SUGCT: variants seen among roughly 807,000 people sequenced by gnomAD.
SUGCT encodes the protein succinyl-CoA:glutarate-CoA transferase, also known as succinyl-CoA:glutarate CoA-transferase.
In SUGCT, 41 loss-of-function variants were observed where a neutral mutation model predicts 55.0. That is an observed-to-expected ratio of 0.74 (90% confidence interval 0.58 to 0.97). SUGCT has a LOEUF of 0.97. Among genes scored for constraint, SUGCT ranks in the 50% least tolerant of loss-of-function variants. The probability of loss-of-function intolerance (pLI) is 0.00; values close to 1 mark genes in which losing one functional copy is unlikely to be tolerated. For synonymous variants in SUGCT, 187 were observed against 200.4 expected (o/e 0.93, Z 0.56); for missense variants, 568 against 547.8 (o/e 1.04, Z -0.37).
In SUGCT at chr7:40,505,088, C is replaced by G. The variant is rs139967689; in HGVS notation, c.1089+8702C>G. Among the ~76,000 whole-genome samples the G allele has an allele frequency of 3.4e-4, 51 of 152,056 alleles. No homozygotes were observed. In the East Asian group the frequency reaches 9.5e-3, roughly 28 times the overall value. On this transcript the variant is annotated intron_variant, in intron 12 of 13. Transcript: ENST00000335693. ...AATATTTTGTAGATGTCTATTTGGTCCCTTTGTCTGTCTTACCAGTATGAA... is the reference window on the plus strand; with the variant it reads ...AATATTTTGTAGATGTCTATTTGGTGCCTTTGTCTGTCTTACCAGTATGAA...
chr7:40,435,425 A>G (rs2151394242), intron 9 of SUGCT, among the ~76,000 whole-genome samples: 1 of 152,064 alleles, frequency 6.6e-6, no homozygotes, highest in East Asian at 1.9e-4. Flanking sequence ...CCTCTATTTT[A>G]TGCTTACAGT....
intron 8 of SUGCT, among the ~76,000 whole-genome samples, chr7:40,279,138 G>A (rs1050379525): frequency 1.3e-5 from 2 of 151,832 alleles, no homozygotes; most frequent in Non-Finnish European, 2.9e-5. Context: ...CATCCAGCCA[G>A]ATCTTACCAG....
At chr7:40,971,452 G>A in the SUGCT span, among the ~76,000 whole-genome samples, 1 of 152,150 alleles carries the variant, frequency 6.6e-6, no homozygotes, top group African/African-American at 2.4e-5. Context: ...GGCAAATGAT[G>A]ATGAGAACCT....
chr7:40,685,037 AG>A (rs1338015483), intron 12 of SUGCT, among the ~76,000 whole-genome samples: 1 of 151,698 alleles, frequency 6.6e-6, no homozygotes, highest in Non-Finnish European at 1.5e-5. Flanking sequence ...ATTTTTTTTC[AG>A]TAGAGATGGA....
intron 1 of SUGCT, among the ~76,000 whole-genome samples, chr7:40,151,444 C>T (rs1457682606): frequency 1.3e-5 from 2 of 152,202 alleles, no homozygotes; most frequent in African/African-American, 4.8e-5. Context: ...AGATTGTATT[C>T]ACAGTGACTG....
intron 9 of SUGCT, among the ~76,000 whole-genome samples, chr7:40,366,146 A>C (rs1487534666): frequency 6.6e-6 from 1 of 152,190 alleles, no homozygotes; most frequent in Non-Finnish European, 1.5e-5. Flanking sequence ...CAAACCTGAC[A>C]AAAACAAGAA....
At chr7:40,304,435 A>T (rs532581685) in intron 8 of SUGCT, among the ~76,000 whole-genome samples, 48 of 151,056 alleles carry the variant, frequency 3.2e-4, no homozygotes, top group African/African-American at 1.1e-3. Flanking sequence ...TCATATTTAA[A>T]TTTTTTATTT....
chr7:40,885,325 T>C, the SUGCT span, among the ~76,000 whole-genome samples: 1 of 152,162 alleles, frequency 6.6e-6, no homozygotes, highest in Non-Finnish European at 1.5e-5. Flanking sequence ...TCCTCAAAAG[T>C]ATACTTTTCC....
intron 12 of SUGCT, among the ~76,000 whole-genome samples, chr7:40,697,717 A>G (rs1276494188): frequency 6.6e-6 from 1 of 152,180 alleles, no homozygotes; most frequent in African/African-American, 2.4e-5. Flanking sequence ...ACCTGGTAAC[A>G]TGCCCCAAGC....
chr7:40,159,938 T>A (rs1430032788), intron 1 of SUGCT, among the ~76,000 whole-genome samples: 1 of 152,208 alleles, frequency 6.6e-6, no homozygotes, highest in Non-Finnish European at 1.5e-5. Context: ...GCAGAAACTT[T>A]GTGTGTTTCT....
rs577937740 is a variant in SUGCT at position 40,266,765 on chromosome 7, C to T, written c.577-7748C>T. ...GGCATGATGGCTCACGCCTATAATC[C>T]GAGCACTTTGGGAGGCCAAGGCGGG... is the stretch of plus-strand genomic sequence containing the variant. On this transcript the variant is annotated intron_variant, in intron 7 of 13. Transcript: ENST00000335693. 2.3e-4 allele frequency among the ~76,000 whole-genome samples: 35 copies of T among 152,040 alleles called. No homozygotes were observed. The South Asian group carries it at 5.0e-3, about 22-fold the overall frequency.
At chr7:40,399,120 T>C (rs1049774959) in intron 9 of SUGCT, among the ~76,000 whole-genome samples, 10 of 152,298 alleles carry the variant, frequency 6.6e-5, no homozygotes, top group African/African-American at 2.4e-4. Context: ...AGGACTGATT[T>C]TGATGCATCA....
chr7:40,435,925 GCTTT>G (rs926064941), intron 9 of SUGCT, among the ~76,000 whole-genome samples: 1 of 125,066 alleles, frequency 8.0e-6, no homozygotes, highest in Non-Finnish European at 1.8e-5. Context: ...CTTGCTGACT[GCTTT>G]CTTTTCTTTT....
chr7:40,422,228 TGTTGGCA>T (rs1212737877), intron 9 of SUGCT, among the ~76,000 whole-genome samples: 1 of 152,140 alleles, frequency 6.6e-6, no homozygotes, highest in African/African-American at 2.4e-5. Context: ...TGTGTTTATA[TGTTGGCA>T]GTATTTTGTC....
At chr7:40,797,890 A>G (rs143040770) in intron 13 of SUGCT, among the ~76,000 whole-genome samples, 132 of 152,288 alleles carry the variant, frequency 8.7e-4, no homozygotes, top group African/African-American at 3.1e-3. Flanking sequence ...CCAGGACCCC[A>G]TTCACCTTCC....
chr7:40,309,397 C>T (rs191595868), intron 8 of SUGCT, among the ~76,000 whole-genome samples: 20 of 152,140 alleles, frequency 1.3e-4, no homozygotes, highest in African/African-American at 4.3e-4. Context: ...CCGCCTCAAG[C>T]GATTCTCCTG....
intron 12 of SUGCT, among the ~76,000 whole-genome samples, chr7:40,701,195 C>G (rs954329588): frequency 2.2e-4 from 33 of 152,236 alleles, no homozygotes; most frequent in Non-Finnish European, 1.3e-4. Context: ...TGCCCACTCC[C>G]CCTCCCACAC....
At chr7:40,484,108 G>A (rs895515521) in intron 11 of SUGCT, among the ~76,000 whole-genome samples, 1 of 152,094 alleles carries the variant, frequency 6.6e-6, no homozygotes, top group Non-Finnish European at 1.5e-5. Flanking sequence ...CTTGCCCATG[G>A]TCACAAAAGT....
chr7:40,945,846 C>G, the SUGCT span, among the ~76,000 whole-genome samples: 1 of 152,130 alleles, frequency 6.6e-6, no homozygotes, highest in South Asian at 2.1e-4. Context: ...ACACTACACT[C>G]CAGGCTGGTG....
Sources: gnomAD v4.1 joint callset for allele counts (sites outside exome capture counted in the v4.1 genomes callset) on GRCh38, gnomAD v4.1.1 for gene constraint, MANE v1.5 for transcripts, NCBI Gene and HGNC (gene_info 2026-07-23, HGNC 2026-07-21) for gene names.